Variants in WSCD1 observed in about 807,000 individuals in gnomAD.
WSCD1 encodes the protein sialate:O-sulfotransferase 1.
Under a neutral mutation model 60.4 loss-of-function variants are expected in WSCD1, and 41 were observed. The ratio of observed to expected loss-of-function variants is 0.68; its 90% CI spans 0.53 to 0.88. WSCD1 has a LOEUF of 0.88. Ranked by LOEUF, WSCD1 falls within the 40% of genes least tolerant of loss-of-function variation. WSCD1 has a pLI of 0.00. For missense variants in WSCD1, 784 were observed against 796.2 expected (o/e 0.98, Z 0.18); for synonymous variants, 361 against 332.5 (o/e 1.09, Z -0.93).
In WSCD1 at chr17:6,088,025, GA is replaced by G; in HGVS notation, c.464del (p.Glu155GlyfsTer4). 4 of 1,614,162 alleles carry G rather than the reference GA, an allele frequency of 2.5e-6. No individual in the cohort carries two copies. The highest frequency in any genetic ancestry group is 3.4e-6 in the Non-Finnish European group (4 of 1,180,018). ...TGGATGCTTCAGTGACGATGGCCAC[GA>G]GAGGACTCTGAAAGGAGCTGTGTTT... is the stretch of plus-strand genomic sequence containing the variant. ...YIGCFSDDGHERTLKGAVFYD... is the reference protein window; with the variant it reads ...YIGCFSDDGHXRTLKGAVFYD... On this transcript the variant is annotated frameshift_variant, in exon 3 of 9. Transcript: ENST00000317744. LOFTEE classifies it high-confidence loss of function.
intron 1 of WSCD1, among the ~76,000 whole-genome samples, chr17:6,076,051 A>G (rs1313970539): frequency 1.3e-5 from 2 of 152,192 alleles, no homozygotes; most frequent in African/African-American, 2.4e-5. Flanking sequence ...AACTCCTCTC[A>G]AGAATAAATC....
At chr17:6,113,074 G>A (rs368364611) in intron 7 of WSCD1, among the ~76,000 whole-genome samples, 1 of 152,078 alleles carries the variant, frequency 6.6e-6, no homozygotes, top group African/African-American at 2.4e-5. Context: ...ACAAAAAACA[G>A]CATGGTACTG....
At position 6,123,676 on chromosome 17, in the gene WSCD1, C is replaced by A. The variant is rs1327301142; in HGVS notation, c.*3015C>A. ...GTTTTCTGCTGACTTGCTCGGAAACCCATTGGAGGTATCTGAAATGTGATG... is the reference window on the plus strand; with the variant it reads ...GTTTTCTGCTGACTTGCTCGGAAACACATTGGAGGTATCTGAAATGTGATG... On this transcript the variant is annotated 3_prime_UTR_variant, in exon 9 of 9. Coordinates refer to ENST00000317744, the MANE Select transcript of WSCD1 (RefSeq NM_015253.2). The A allele has an allele frequency of 1.3e-5, 2 of 152,112 alleles. No individual in the cohort carries two copies. The highest frequency in any genetic ancestry group is 3.9e-4 in the East Asian group (2 of 5,180). The allele number at this position is 152,112 out of a possible 1,614,324, so 9.4% of individuals were successfully genotyped here. A position where few individuals can be genotyped will look rare whatever the true frequency, so the allele number is the denominator to read the frequency against.
chr17:6,119,097 C>T (rs1904481018), intron 8 of WSCD1, among the ~76,000 whole-genome samples: 1 of 152,166 alleles, frequency 6.6e-6, no homozygotes, highest in Non-Finnish European at 1.5e-5. Context: ...CACAAGGGCC[C>T]CACCCTCATG....
Position 6,094,988 on chromosome 17 carries a change from G to A in WSCD1, c.728-114G>A, listed in dbSNP as rs186522840. On this transcript the variant is annotated intron_variant, in intron 4 of 8. Transcript: ENST00000317744. ...CGTTTTCCCTCCCTGATTTGAACTC[G>A]CCTCGTAAGTTTATTTATACCTGTC... 3.7e-4 allele frequency: 541 copies of A among 1,468,876 alleles called. 1 individual carries two copies. In the African/African-American group the frequency reaches 5.1e-3, roughly 14 times the overall value. 91.0% of individuals were successfully genotyped at this position (1,468,876 alleles called of 1,614,324 possible). A position where few individuals can be genotyped will look rare whatever the true frequency, so the allele number is the denominator to read the frequency against.
chr17:6,078,843 G>T (rs113584292), intron 1 of WSCD1, among the ~76,000 whole-genome samples: 3,573 of 152,284 alleles, frequency 0.023, 121 homozygotes, highest in African/African-American at 0.082. Context: ...GCTGGAGGCA[G>T]AGAGATCAGT....
chr17:6,085,763 G>T (rs767930864), intron 2 of WSCD1, among the ~76,000 whole-genome samples: 3 of 152,218 alleles, frequency 2.0e-5, no homozygotes, highest in Non-Finnish European at 4.4e-5. Flanking sequence ...GAACTTCTTT[G>T]CTGAGCAACC....
chr17:6,087,626 C>T (rs536180572), intron 2 of WSCD1, among the ~76,000 whole-genome samples: 2 of 152,276 alleles, frequency 1.3e-5, no homozygotes, highest in South Asian at 4.1e-4. Flanking sequence ...CCTCTCTGAG[C>T]CCAGGGAGGG....
At chr17:6,094,780 A>AAGGAAGGAAGGG (rs1238782751) in intron 4 of WSCD1, among the ~76,000 whole-genome samples, 2 of 149,698 alleles carry the variant, frequency 1.3e-5, no homozygotes, top group African/African-American at 5.0e-5. Flanking sequence ...CAAGAGAAGG[A>AAGGAAGGAAGGG]AGGAAGGAAG....
rs752779188 is a variant in WSCD1, at chr17:6,120,265, C to A, written c.1376-44C>A. On this transcript the variant is annotated intron_variant, in intron 8 of 8. Transcript: ENST00000317744. ...GCCCCCCGGGGACCGGCAGCCCTGG[C>A]AGGGCCAGCCCCCGACTCTGCATCT... 2 of 1,579,356 alleles carry A rather than the reference C, an allele frequency of 1.3e-6. 1 individual carries two copies. Among genetic ancestry groups the A allele is most frequent in the South Asian group, 2.3e-5 (2 of 85,556 alleles).
rs190490697 is a variant in WSCD1, at chr17:6,090,799, G to A, written c.727+294G>A. Among the ~76,000 whole-genome samples the A allele has an allele frequency of 7.2e-5, 11 of 152,044 alleles. No individual in the cohort carries two copies. The South Asian group carries it at 1.0e-3, about 14-fold the overall frequency. On this transcript the variant is annotated intron_variant, in intron 4 of 8. Transcript: ENST00000317744. ...GCCTCAGACATGCTGTGTGGCCTCC[G>A]GCAGCTCACTGCCCCTCTCTGAGCT... is the stretch of plus-strand genomic sequence containing the variant.
In WSCD1 at chr17:6,082,095, C is replaced by T. The variant is rs1008061573; in HGVS notation, c.427+1010C>T. ...GCTAATGCATATGGGATTTCCTATG[C>T]ACCTGTAAGTCTGCTGTTTACAGGT... On this transcript the variant is annotated intron_variant, in intron 2 of 8. Transcript: ENST00000317744. The T allele has an allele frequency of 1.5e-4, 23 of 152,218 alleles. No individual in the cohort carries two copies. The East Asian group carries it at 1.7e-3, about 11-fold the overall frequency. The allele number at this position is 152,218 out of a possible 1,614,324, so 9.4% of individuals were successfully genotyped here.
chr17:6,088,772 C>T (rs1482998231), intron 3 of WSCD1, among the ~76,000 whole-genome samples: 1 of 143,522 alleles, frequency 7.0e-6, no homozygotes, highest in African/African-American at 2.5e-5. Flanking sequence ...ATTTCTCCCA[C>T]AGATTTTTTT....
rs899438499 is a variant in WSCD1 at position 6,101,067 on chromosome 17, G to C, written c.849+5844G>C. ...TTCCCTCCTGAATGTTGAGGGTGGC[G>C]AGAGAGGTGAATCTGGGGATGTCTG... On this transcript the variant is annotated intron_variant, in intron 5 of 8. Transcript: ENST00000317744. This position sits in a 1 kb window ranked among gnomAD's most constrained non-coding sequence, Gnocchi z 4.1. 6.6e-6 allele frequency among the ~76,000 whole-genome samples: 1 copy of C among 152,162 alleles called. No homozygotes were observed. The highest frequency in any genetic ancestry group is 1.5e-5 in the Non-Finnish European group (1 of 68,030).
chr17:6,123,825 A>G lies in WSCD1; in HGVS notation c.*3164A>G, dbSNP rs1385807204. 2 of 152,236 alleles carry G rather than the reference A, an allele frequency of 1.3e-5. No homozygotes were observed. Among genetic ancestry groups the G allele is most frequent in the Admixed American group, 1.3e-4 (2 of 15,290 alleles). The allele number at this position is 152,236 out of a possible 1,614,324, so 9.4% of individuals were successfully genotyped here. ...GGATAAAGTAGAGTGGAAATAATGT[A>G]GAGTCGTCAGACTGAAAGGCCAGGT... On this transcript the variant is annotated 3_prime_UTR_variant, in exon 9 of 9. Transcript: ENST00000317744.
At chr17:6,117,860 G>A (rs1179174105) in intron 7 of WSCD1, 128 bp from the exon 8 acceptor site, 7 of 908,742 alleles carry the variant, frequency 7.7e-6, no homozygotes, top group Non-Finnish European at 1.2e-5. Context: ...TCCTCTCAGT[G>A]TCCTCTGTGT....
Position 6,099,730 on chromosome 17 carries a change from T to G in WSCD1, c.849+4507T>G, listed in dbSNP as rs901498180. On this transcript the variant is annotated intron_variant, in intron 5 of 8. Coordinates refer to ENST00000317744, the MANE Select transcript of WSCD1 (RefSeq NM_015253.2). ...TAAATGACACACCTGGTCAAACCAA[T>G]CCCCTGGGCCTTATGGAACGCAGAC... is the stretch of plus-strand genomic sequence containing the variant. Among the ~76,000 whole-genome samples the G allele has an allele frequency of 2.0e-5, 3 of 151,998 alleles. No homozygotes were observed. The East Asian group carries it at 5.8e-4, about 29-fold the overall frequency.
At chr17:6,112,351 C>G (rs1373326746) in intron 7 of WSCD1, among the ~76,000 whole-genome samples, 2 of 152,152 alleles carry the variant, frequency 1.3e-5, no homozygotes, top group Non-Finnish European at 2.9e-5. Flanking sequence ...TAGTATCATA[C>G]TAAATGAAGA....
At position 6,076,647 on chromosome 17, in the gene WSCD1, G is replaced by T. The variant is rs79788534; in HGVS notation, c.-288-3724G>T. 9.8e-5 allele frequency among the ~76,000 whole-genome samples: 15 copies of T among 152,332 alleles called. No individual in the cohort carries two copies. In the East Asian group the frequency reaches 2.9e-3, roughly 29 times the overall value. Reference sequence around the variant, plus strand: ...CCATTTAATGGACAATGAGCCTGAGGCCCTGCCCTGTGCAATGCTTTGCTC... The same window carrying T: ...CCATTTAATGGACAATGAGCCTGAGTCCCTGCCCTGTGCAATGCTTTGCTC... On this transcript the variant is annotated intron_variant, in intron 1 of 8. Coordinates refer to ENST00000317744, the MANE Select transcript of WSCD1 (RefSeq NM_015253.2).
Sources: allele counts gnomAD v4.1 joint callset (sites outside exome capture counted in the v4.1 genomes callset), GRCh38; gene constraint gnomAD v4.1.1; non-coding constraint Gnocchi (gnomAD v3.1); transcripts MANE v1.5; gene names NCBI Gene and HGNC (gene_info 2026-07-23, HGNC 2026-07-21).